Variants in RFC3 observed in about 807,000 individuals in gnomAD.
RFC3 encodes replication factor C subunit 3, also known as A1 38 kDa subunit.
RFC3 carries 41 observed loss-of-function variants against 45.1 expected under a neutral mutation model. That is an observed-to-expected ratio of 0.91 (90% confidence interval 0.71 to 1.18). The LOEUF is 1.18. Ranked by LOEUF, RFC3 falls within the 50% of genes most tolerant of loss-of-function variation. The pLI, the probability that RFC3 is intolerant of heterozygous loss-of-function variation, is 0.00. For missense variants in RFC3, 423 were observed against 428.1 expected, an observed-to-expected ratio of 0.99 and a Z score of 0.10; for synonymous variants, 149 against 144.0, an observed-to-expected ratio of 1.03 and a Z score of -0.25.
At position 33,837,489 on chromosome 13, in the gene RFC3, T is replaced by C. The variant is rs2082166231; in HGVS notation, c.*1194T>C. ...GTTTGGTTATTATGAATAAAGTTGC[T>C]GTGAATACTTACGTGTAAGTCTTTT... On this transcript the variant is annotated 3_prime_UTR_variant, in exon 9 of 9. Transcript: ENST00000380071. 6.6e-6 allele frequency: 1 copy of C among 152,168 alleles called. No homozygotes were observed. The highest frequency in any genetic ancestry group is 1.5e-5 in the Non-Finnish European group (1 of 68,012). 9.4% of individuals were successfully genotyped at this position (152,168 alleles called of 1,614,324 possible).
At chr13:33,824,380 CTT>C (rs2082030703) in intron 3 of RFC3, among the ~76,000 whole-genome samples, 1 of 152,072 alleles carries the variant, frequency 6.6e-6, no homozygotes, top group Non-Finnish European at 1.5e-5. Flanking sequence ...TTGTCACTCT[CTT>C]TGTTTAAATT....
intron 8 of RFC3, among the ~76,000 whole-genome samples, chr13:33,957,705 G>T (rs551067788): frequency 1.3e-5 from 2 of 152,110 alleles, no homozygotes; most frequent in Non-Finnish European, 2.9e-5. Flanking sequence ...TAGCACAAGC[G>T]CAAGCCCACT....
chr13:33,889,962 A>G (rs539286159), intron 8 of RFC3, among the ~76,000 whole-genome samples: 19 of 152,322 alleles, frequency 1.2e-4, no homozygotes, highest in African/African-American at 4.6e-4. Flanking sequence ...TATGGATTAG[A>G]TTCTTTTTCT....
At chr13:33,954,609 T>C (rs934578627) in intron 8 of RFC3, among the ~76,000 whole-genome samples, 1 of 152,144 alleles carries the variant, frequency 6.6e-6, no homozygotes, top group Non-Finnish European at 1.5e-5. Flanking sequence ...TTTCTCACAG[T>C]CCGGAGGCTG....
chr13:33,837,169 T>A lies in RFC3; in HGVS notation c.*874T>A. The stretch of plus-strand genomic sequence containing the variant: ...TTGACCAGTGAAACTATGATCCCAA[T>A]CAAGGTATAGATGCCGTCACCCCAA... On this transcript the variant is annotated 3_prime_UTR_variant, in exon 9 of 9. Coordinates refer to ENST00000380071, the MANE Select transcript of RFC3 (RefSeq NM_002915.4). The A allele has an allele frequency of 1.7e-6, 1 of 592,628 alleles. No individual in the cohort carries two copies. The highest frequency in any genetic ancestry group is 2.1e-6 in the Non-Finnish European group (1 of 471,446). The allele number at this position is 592,628 out of a possible 1,614,324, so 36.7% of individuals were successfully genotyped here.
At chr13:33,924,723 GTGTGTATA>G (rs148012994) in intron 8 of RFC3, among the ~76,000 whole-genome samples, 9,365 of 135,040 alleles carry the variant, frequency 0.069, 463 homozygotes, top group African/African-American at 0.17. Context: ...GTGTGTGTGT[GTGTGTATA>G]TATATATATA....
At chr13:33,830,964 G>T in intron 6 of RFC3, 109 bp downstream of exon 6, 1 of 838,700 alleles carries the variant, frequency 1.2e-6, no homozygotes, top group Non-Finnish European at 1.8e-6. Context: ...AGGGGTGGGG[G>T]ATGGTTTCAG....
chr13:33,843,204 T>G (rs972805985), intron 8 of RFC3, among the ~76,000 whole-genome samples: 8 of 33,058 alleles, frequency 2.4e-4, no homozygotes, highest in African/African-American at 4.9e-4. Context: ...TATTTGCTCC[T>G]GTTTTTTTTT....
intron 8 of RFC3, among the ~76,000 whole-genome samples, chr13:33,854,319 C>T (rs1388848829): frequency 6.6e-6 from 1 of 152,148 alleles, no homozygotes; most frequent in African/African-American, 2.4e-5. Context: ...AAGGGAGCCA[C>T]TCAGTTCCTG....
At chr13:33,913,986 ATGCTCATGT>A (rs1216302508) in intron 8 of RFC3, among the ~76,000 whole-genome samples, 3,557 of 152,242 alleles carry the variant, frequency 0.023, 120 homozygotes, top group African/African-American at 0.081. Flanking sequence ...GCTAAGTGAT[ATGCTCATGT>A]AATTACTGGG....
intron 8 of RFC3, among the ~76,000 whole-genome samples, chr13:33,956,784 T>G (rs781406281): frequency 8.5e-5 from 13 of 152,224 alleles, no homozygotes; most frequent in Non-Finnish European, 2.9e-5. Flanking sequence ...TCCACACATA[T>G]GTCCTGATAA....
At chr13:33,954,376 T>C (rs1273157122) in intron 8 of RFC3, among the ~76,000 whole-genome samples, 1 of 152,230 alleles carries the variant, frequency 6.6e-6, no homozygotes, top group Non-Finnish European at 1.5e-5. Context: ...TTTCATCAAA[T>C]GTCCATGAGC....
intron 8 of RFC3, among the ~76,000 whole-genome samples, chr13:33,874,920 G>A (rs2082436331): frequency 6.6e-6 from 1 of 152,154 alleles, no homozygotes; most frequent in Non-Finnish European, 1.5e-5. Flanking sequence ...CATTGAACTT[G>A]GAGATAGGAT....
At chr13:33,898,347 A>T (rs1371830876) in intron 8 of RFC3, among the ~76,000 whole-genome samples, 2 of 151,912 alleles carry the variant, frequency 1.3e-5, no homozygotes, top group African/African-American at 4.8e-5. Flanking sequence ...ATCAATTAAC[A>T]AGAGGAATTT....
At chr13:33,945,580 G>A (rs1018439602) in intron 8 of RFC3, among the ~76,000 whole-genome samples, 1 of 152,098 alleles carries the variant, frequency 6.6e-6, no homozygotes, top group African/African-American at 2.4e-5. Context: ...GAGTCAGTGA[G>A]GCATTATGAT....
intron 8 of RFC3, among the ~76,000 whole-genome samples, chr13:33,892,639 A>C (rs1172868738): frequency 6.6e-6 from 1 of 152,108 alleles, no homozygotes; most frequent in African/African-American, 2.4e-5. Flanking sequence ...ACCACCAATC[A>C]CACTTTCACT....
At chr13:33,868,545 C>T (rs1297127723) in intron 8 of RFC3, among the ~76,000 whole-genome samples, 1 of 152,216 alleles carries the variant, frequency 6.6e-6, no homozygotes, top group Non-Finnish European at 1.5e-5. Flanking sequence ...TTTGTAACTT[C>T]AGCCTCTGAT....
At chr13:33,860,687 A>G (rs1362780356) in intron 8 of RFC3, among the ~76,000 whole-genome samples, 1 of 152,116 alleles carries the variant, frequency 6.6e-6, no homozygotes, top group Admixed American at 6.6e-5. Context: ...AGGGAAATGA[A>G]CCGTGTTATA....
chr13:33,879,776 T>C (rs565317380), intron 8 of RFC3, among the ~76,000 whole-genome samples: 13 of 152,346 alleles, frequency 8.5e-5, no homozygotes, highest in Non-Finnish European at 5.9e-5. Flanking sequence ...TTCTGGAGTG[T>C]AGAAGTCCGC....
Sources: allele counts gnomAD v4.1 joint callset (sites outside exome capture counted in the v4.1 genomes callset), GRCh38; gene constraint gnomAD v4.1.1; transcripts MANE v1.5; gene names NCBI Gene and HGNC (gene_info 2026-07-23, HGNC 2026-07-21).